The following MYOF variants were observed in gnomAD, a reference collection of about 807,000 sequenced individuals.
MYOF encodes myoferlin, also known as fer-1-like 3, myoferlin.
MYOF carries 244 observed loss-of-function variants against 284.2 expected under a neutral mutation model. That is an observed-to-expected ratio of 0.86 (90% CI 0.77 to 0.95). MYOF has a LOEUF of 0.95. Ranked by LOEUF, MYOF falls within the 40% of genes least tolerant of loss-of-function variation. The pLI, the probability that MYOF is intolerant of heterozygous loss-of-function variation, is 0.00. For missense variants in MYOF, 2,496 were observed against 2,560.6 expected, an observed-to-expected ratio of 0.97 and a Z score of 0.54; for synonymous variants, 904 against 919.7, an observed-to-expected ratio of 0.98 and a Z score of 0.31.
intron 22 of MYOF, among the ~76,000 whole-genome samples, chr10:93,375,589 T>C (rs1005948769): frequency 6.6e-6 from 1 of 152,230 alleles, no homozygotes; most frequent in Non-Finnish European, 1.5e-5. Context: ...GTCCTCCTAT[T>C]TTCAAATGTG....
At chr10:93,328,681 G>C (rs961370608) in intron 45 of MYOF, 82 bp downstream of exon 45, 30 of 1,417,138 alleles carry the variant, frequency 2.1e-5, no homozygotes, top group Non-Finnish European at 2.5e-5. Context: ...TACTGGCTCT[G>C]TCTATTCACT....
At chr10:93,413,804 C>G (rs1285430782) in intron 5 of MYOF, among the ~76,000 whole-genome samples, 1 of 151,898 alleles carries the variant, frequency 6.6e-6, no homozygotes, top group Non-Finnish European at 1.5e-5. Context: ...GCCTGGGCAA[C>G]ATAGGGAGAC....
At chr10:93,385,108 T>C (rs1846302879) in intron 19 of MYOF, among the ~76,000 whole-genome samples, 2 of 152,136 alleles carry the variant, frequency 1.3e-5, no homozygotes, top group Non-Finnish European at 2.9e-5. Context: ...CAAAATACAT[T>C]CGGTCACATC....
chr10:93,416,910 T>C (rs1411293054), intron 5 of MYOF, among the ~76,000 whole-genome samples: 3 of 152,176 alleles, frequency 2.0e-5, no homozygotes, highest in South Asian at 2.1e-4. Context: ...GACCAGGCCA[T>C]TTTAATAGAA....
chr10:93,424,720 C>T (rs1848504651), intron 5 of MYOF, among the ~76,000 whole-genome samples: 1 of 151,998 alleles, frequency 6.6e-6, no homozygotes, highest in Non-Finnish European at 1.5e-5. Flanking sequence ...GGTGCATAAG[C>T]AGGGGCAGGG....
Position 93,452,100 on chromosome 10 carries a change from T to C in MYOF, c.186A>G (p.Ser62=). ...CTTTCACAATAATCCCAAGGGAAGA[T>C]GAAAAGTCCAGTGGTATACCCCTCA... The part of the protein sequence containing the change: ...FDLRGIPLDF[S]SSLGIIVKDF... The change falls in exon 3 of 54, where the codon TCA becomes TCG. Residue 62 remains serine, a synonymous_variant. Transcript: ENST00000359263. 5 of 1,613,226 alleles carry C rather than the reference T, an allele frequency of 3.1e-6. No individual in the cohort carries two copies. Among genetic ancestry groups the C allele is most frequent in the Non-Finnish European group, 4.2e-6 (5 of 1,179,834 alleles).
At chr10:93,455,224 G>T (rs1564732792) in intron 2 of MYOF, among the ~76,000 whole-genome samples, 1 of 151,298 alleles carries the variant, frequency 6.6e-6, no homozygotes, top group Non-Finnish European at 1.5e-5. Flanking sequence ...AGGAGGCGGA[G>T]GTTACGGTGA....
At chr10:93,445,042 T>G (rs959072885) in intron 3 of MYOF, among the ~76,000 whole-genome samples, 2 of 152,234 alleles carry the variant, frequency 1.3e-5, no homozygotes, top group East Asian at 3.9e-4. Context: ...AATTTTTACC[T>G]AGGGTGGAGC....
chr10:93,449,574 GAGATATGCGAC>G (rs1240847754), intron 3 of MYOF, among the ~76,000 whole-genome samples: 1 of 152,202 alleles, frequency 6.6e-6, no homozygotes, highest in Non-Finnish European at 1.5e-5. Context: ...GTTCGCAGCT[GAGATATGCGAC>G]AGAAACTTAA....
At chr10:93,354,254 T>C (rs1844678402) in intron 31 of MYOF, among the ~76,000 whole-genome samples, 1 of 152,158 alleles carries the variant, frequency 6.6e-6, no homozygotes, top group Admixed American at 6.5e-5. Flanking sequence ...GGTGCACGTC[T>C]GTAATCCTAG....
intron 13 of MYOF, among the ~76,000 whole-genome samples, chr10:93,397,807 GC>G (rs988035214): frequency 9.9e-5 from 15 of 151,984 alleles, no homozygotes; most frequent in African/African-American, 3.1e-4. Flanking sequence ...TTTTGACCCT[GC>G]CCGCCAGCCT....
intron 50 of MYOF, among the ~76,000 whole-genome samples, chr10:93,315,572 C>T (rs1842581016): frequency 6.6e-6 from 1 of 152,082 alleles, no homozygotes; most frequent in South Asian, 2.1e-4. Context: ...AGTCACAGTA[C>T]AGGCTCACTG....
rs553782744 is a variant in MYOF at position 93,415,766 on chromosome 10, G to C, written c.434-6027C>G. Among the ~76,000 whole-genome samples the C allele has an allele frequency of 2.0e-5, 3 of 152,282 alleles. No individual in the cohort carries two copies. In the East Asian group the frequency reaches 5.8e-4, roughly 29 times the overall value. ...CCTATCTCCTGTTGCTACTTAAGGAGTTTTGCCTCTTTATACGTTCATCGG... is the reference window on the plus strand; with the variant it reads ...CCTATCTCCTGTTGCTACTTAAGGACTTTTGCCTCTTTATACGTTCATCGG... On this transcript the variant is annotated intron_variant, in intron 5 of 53. Transcript: ENST00000359263.
intron 10 of MYOF, 144 bp from the exon 11 acceptor site, chr10:93,402,491 C>T (rs701863): frequency 1.5e-5 from 10 of 668,946 alleles, no homozygotes; most frequent in Non-Finnish European, 2.6e-5. Flanking sequence ...TCCACTTTCA[C>T]GTCTTCTGTT....
In MYOF at chr10:93,353,824, C is replaced by T. The variant is rs771281172; in HGVS notation, c.3468G>A (p.Lys1156=). 10 of 1,608,514 alleles carry T rather than the reference C, an allele frequency of 6.2e-6. No individual in the cohort carries two copies. In the East Asian group the frequency reaches 1.8e-4, roughly 29 times the overall value. ...TTTTTCCTTTACCTGAAAAGCTATC[C>T]TTATCTAAAGCCAAGAGGTTTCTGG... ...YQARNLLALD[K]DSFSDPYAHI... Residue 1156 remains lysine (K), a synonymous_variant, in exon 32 of 54, where the codon AAG becomes AAA. Coordinates refer to ENST00000359263, the MANE Select transcript of MYOF (RefSeq NM_013451.4).
intron 46 of MYOF, among the ~76,000 whole-genome samples, chr10:93,324,919 A>C (rs1436804534): frequency 1.3e-5 from 2 of 151,976 alleles, no homozygotes; most frequent in African/African-American, 4.8e-5. Context: ...AGCTGGGGTT[A>C]CAGGCACCCA....
intron 26 of MYOF, among the ~76,000 whole-genome samples, chr10:93,365,431 T>C (rs1398966049): frequency 6.6e-6 from 1 of 152,236 alleles, no homozygotes; most frequent in Non-Finnish European, 1.5e-5. Flanking sequence ...TTCTTTTTAA[T>C]AACAGCTTTT....
chr10:93,398,726 G>A (rs536359225), intron 13 of MYOF, among the ~76,000 whole-genome samples: 1 of 152,324 alleles, frequency 6.6e-6, no homozygotes, highest in African/African-American at 2.4e-5. Context: ...GTATGTGTAT[G>A]TGGTTTGCCG....
intron 45 of MYOF, among the ~76,000 whole-genome samples, chr10:93,326,829 T>C (rs1456020471): frequency 2.0e-5 from 3 of 152,032 alleles, no homozygotes; most frequent in Non-Finnish European, 4.4e-5. Flanking sequence ...TTCACTATGT[T>C]GGCCAGGCTG....
Sources: allele counts gnomAD v4.1 joint callset (sites outside exome capture counted in the v4.1 genomes callset), GRCh38; gene constraint gnomAD v4.1.1; transcripts MANE v1.5; gene names NCBI Gene and HGNC (gene_info 2026-07-23, HGNC 2026-07-21).